Variants in RPS11 observed in about 807,000 individuals in gnomAD.
The protein encoded by RPS11 is ribosomal protein S11, also known as small ribosomal subunit protein uS17.
For missense variants in RPS11, 127 were observed against 211.4 expected (o/e 0.60, Z 2.48); for synonymous variants, 107 against 78.0 (o/e 1.37, Z -1.96).
intron 2 of RPS11, 44 bp downstream of exon 2, chr19:49,497,369 G>T (rs757986087): frequency 1.2e-6 from 2 of 1,612,572 alleles, no homozygotes; most frequent in South Asian, 1.1e-5. Context: ...TGGCGTTCCT[G>T]CACGTGTGCC....
chr19:49,497,631 A>G, intron 3 of RPS11, 36 bp downstream of exon 3: 1 of 1,588,278 alleles, frequency 6.3e-7, no homozygotes, highest in Non-Finnish European at 8.6e-7. Flanking sequence ...GGGGCCTGAA[A>G]TACTGAAAGA....
intron 4 of RPS11, chr19:49,498,341 C>G (rs1490230721): frequency 2.2e-5 from 9 of 411,244 alleles, no homozygotes; most frequent in Non-Finnish European, 4.1e-5. Flanking sequence ...TTCATATACA[C>G]CTTATTCACA....
Position 49,497,910 on chromosome 19 carries a change from C to A in RPS11, c.224-7C>A. 1.9e-6 allele frequency: 3 copies of A among 1,614,168 alleles called. No homozygotes were observed. The highest frequency in any genetic ancestry group is 2.2e-5 in the South Asian group (2 of 91,086). On this transcript the variant is annotated splice_polypyrimidine_tract_variant and splice_region_variant and intron_variant, in intron 3 of 4. Coordinates refer to ENST00000270625, the MANE Select transcript of RPS11 (RefSeq NM_001015.5). ...GGACCTGACCTATGATCGGCCCCCGCTCCTAGGCGTGGTGACCAAGATGAA... is the reference window on the plus strand; with the variant it reads ...GGACCTGACCTATGATCGGCCCCCGATCCTAGGCGTGGTGACCAAGATGAA...
chr19:49,497,677 A>AGAGG lies in RPS11; in HGVS notation c.223+84_223+87dup, dbSNP rs541499553. On this transcript the variant is annotated intron_variant, in intron 3 of 4. Transcript: ENST00000270625. ...GGCCCAGACTCCTGGGTCCTGGGTG[A>AGAGG]GAGGGGTGGTTAGGAATGCAAACTT... 9.4e-4 allele frequency: 1,275 copies of AGAGG among 1,360,850 alleles called. 13 individuals are homozygous for AGAGG. The Middle Eastern group carries it at 9.7e-3, about 10-fold the overall frequency. 84.3% of individuals were successfully genotyped at this position (1,360,850 alleles called of 1,614,324 possible). A position where few individuals can be genotyped will look rare whatever the true frequency, so the allele number is the denominator to read the frequency against.
chr19:49,498,128 T>G lies in RPS11; in HGVS notation c.353+82T>G. 2.0e-6 allele frequency: 3 copies of G among 1,485,996 alleles called. No homozygotes were observed. The South Asian group carries it at 3.4e-5, about 17-fold the overall frequency. The allele number at this position is 1,485,996 out of a possible 1,614,324, so 92.1% of individuals were successfully genotyped here. A position where few individuals can be genotyped will look rare whatever the true frequency, so the allele number is the denominator to read the frequency against. On this transcript the variant is annotated intron_variant, in intron 4 of 4. Transcript: ENST00000270625. ...CAGATCGGACCAATTTAAGGCCAAC[T>G]GAGGGAGGGAAAGACTGAGGTGGCA... is the stretch of plus-strand genomic sequence containing the variant.
chr19:49,497,706 G>C (rs1269985247), intron 3 of RPS11, 111 bp downstream of exon 3: 12 of 1,185,202 alleles, frequency 1.0e-5, no homozygotes, highest in Non-Finnish European at 1.3e-5. Context: ...CAAACTTGTA[G>C]GTCCAGGTAC....
intron 3 of RPS11, 158 bp from the exon 4 acceptor site, chr19:49,497,759 C>T (rs1372878719): frequency 5.1e-6 from 6 of 1,172,130 alleles, no homozygotes; most frequent in East Asian, 2.3e-5. Context: ...TTCAGATGCC[C>T]ACGTGGGCAC....
intron 3 of RPS11, 104 bp from the exon 4 acceptor site, chr19:49,497,813 T>A (rs1439494961): frequency 6.6e-7 from 1 of 1,526,448 alleles, no homozygotes; most frequent in Non-Finnish European, 9.1e-7. Context: ...GAAATGGGGC[T>A]TTTTGGGATC....
rs777996274 is a variant in RPS11 at position 49,497,255 on chromosome 19, G to T, written c.77G>T (p.Gly26Val). Residue 26 changes from glycine to valine, a missense_variant, in exon 2 of 5, where the codon GGA becomes GTA. Physicochemically the swap from Gly to Val is moderately radical, Grantham distance 109. Transcript: ENST00000270625. ...CAAAACAAGAAGAGGGTCCTGCTGGGAGAAACTGGCAAGGAGAAGCTCCCG... is the reference window on the plus strand; with the variant it reads ...CAAAACAAGAAGAGGGTCCTGCTGGTAGAAACTGGCAAGGAGAAGCTCCCG... The part of the protein sequence containing the change: ...IFQNKKRVLL[G>V]ETGKEKLPRY... 2 of 1,614,150 alleles carry T rather than the reference G, an allele frequency of 1.2e-6. No individual in the cohort carries two copies. Among genetic ancestry groups the T allele is most frequent in the Non-Finnish European group, 1.7e-6 (2 of 1,180,030 alleles).
chr19:49,498,338 A>G (rs908230310), intron 4 of RPS11: 3 of 423,484 alleles, frequency 7.1e-6, no homozygotes, highest in Non-Finnish European at 8.9e-6. Flanking sequence ...TGTTTCATAT[A>G]CACCTTATTC....
rs1568691664 is a variant in RPS11, at chr19:49,496,448, GC to G, written c.-7del. 6.2e-7 allele frequency: 1 copy of G among 1,612,144 alleles called. No individual in the cohort carries two copies. Among genetic ancestry groups the G allele is most frequent in the Non-Finnish European group, 8.5e-7 (1 of 1,179,212 alleles). ...GCTGCCCCTTTCTTTTTTTCAGGCGGCCGGGAAGATGGCGGACATTCAGGTG... is the reference window on the plus strand; with the variant it reads ...GCTGCCCCTTTCTTTTTTTCAGGCGGCGGGAAGATGGCGGACATTCAGGTG... On this transcript the variant is annotated 5_prime_UTR_variant, in exon 1 of 5. Coordinates refer to ENST00000270625, the MANE Select transcript of RPS11 (RefSeq NM_001015.5).
chr19:49,499,176 G>C lies in RPS11; in HGVS notation c.354-336G>C, dbSNP rs1388278139. Among the ~76,000 whole-genome samples, 4 of 152,292 alleles carry C rather than the reference G, an allele frequency of 2.6e-5. No homozygotes were observed. In the East Asian group the frequency reaches 7.7e-4, roughly 29 times the overall value. On this transcript the variant is annotated intron_variant, in intron 4 of 4. Transcript: ENST00000270625. The stretch of plus-strand genomic sequence containing the variant: ...TGATGCTGAGCGATAAGGGACCTGT[G>C]GTTGTCAGTGCTGCAGGATCCCCCT...
At chr19:49,499,433 C>G (rs1470881474) in intron 4 of RPS11, 79 bp from the exon 5 acceptor site, 2 of 1,510,516 alleles carry the variant, frequency 1.3e-6, no homozygotes, top group Non-Finnish European at 1.8e-6. Flanking sequence ...AGCCTTTAGC[C>G]TGGTGAAGGG....
At position 49,497,828 on chromosome 19, in the gene RPS11, C is replaced by T. The variant is rs759208516; in HGVS notation, c.224-89C>T. 8.3e-6 allele frequency: 13 copies of T among 1,572,652 alleles called. No individual in the cohort carries two copies. In the Admixed American group the frequency reaches 1.0e-4, roughly 12 times the overall value. On this transcript the variant is annotated intron_variant, in intron 3 of 4. Transcript: ENST00000270625. Reference sequence around the variant, plus strand: ...GAAATGGGGCTTTTTGGGATCCCTGCTCAGCTGCTTCTGAGTCCCAGCATG... The same window carrying T: ...GAAATGGGGCTTTTTGGGATCCCTGTTCAGCTGCTTCTGAGTCCCAGCATG...
At position 49,499,687 on chromosome 19, in the gene RPS11, C is replaced by T. The variant is rs2079924958; in HGVS notation, c.*52C>T. 6.3e-7 allele frequency: 1 copy of T among 1,588,908 alleles called. No homozygotes were observed. The highest frequency in any genetic ancestry group is 1.1e-5 in the South Asian group (1 of 88,728). On this transcript the variant is annotated 3_prime_UTR_variant, in exon 5 of 5. Transcript: ENST00000270625. ...ATGAAATAAAGTTATTTTCTCATTC[C>T]CAGGCCAGACTTGGGATCTTCCGCG...
Position 49,499,516 on chromosome 19 carries a change from G to T in RPS11, c.358G>T (p.Val120Phe). ...SVHLSPCFRD[V>F]QIGDIVTVGE... ...TGGCCCTACCTGCCTCCACAGGGAC[G>T]TCCAGATCGGTGACATCGTCACAGT... Residue 120 changes from valine to phenylalanine, a missense_variant, in exon 5 of 5, where the codon GTC (valine) becomes TTC (phenylalanine). By Grantham distance (50) the Val-to-Phe change is conservative. Transcript: ENST00000270625. 6.2e-7 allele frequency: 1 copy of T among 1,613,438 alleles called. No homozygotes were observed. The highest frequency in any genetic ancestry group is 8.5e-7 in the Non-Finnish European group (1 of 1,179,514).
chr19:49,496,551 G>C, intron 1 of RPS11, 80 bp downstream of exon 1: 1 of 1,446,926 alleles, frequency 6.9e-7, no homozygotes. Flanking sequence ...AGAGCCCGGC[G>C]GCCAAGTTCG....
At chr19:49,496,528 C>G in intron 1 of RPS11, 57 bp downstream of exon 1, 1 of 1,542,130 alleles carries the variant, frequency 6.5e-7, no homozygotes, top group Non-Finnish European at 8.8e-7. Flanking sequence ...TTCAGGGGCG[C>G]GTCCGGGAGG....
At chr19:49,497,087 G>A (rs2079910145) in intron 1 of RPS11, 107 bp from the exon 2 acceptor site, 5 of 1,371,496 alleles carry the variant, frequency 3.6e-6, no homozygotes, top group East Asian at 4.6e-5. Flanking sequence ...CGCTTTGCAA[G>A]TAAATGTAGA....
Sources: gnomAD v4.1 joint callset for allele counts (sites outside exome capture counted in the v4.1 genomes callset) on GRCh38, gnomAD v4.1.1 for gene constraint, MANE v1.5 for transcripts, NCBI Gene and HGNC (gene_info 2026-07-23, HGNC 2026-07-21) for gene names.